The following VSNL1 variants were observed in gnomAD, a reference collection of about 807,000 sequenced individuals.
The protein encoded by VSNL1 is visinin like 1.
Under a neutral mutation model 20.4 loss-of-function variants are expected in VSNL1, and 6 were observed. The ratio of observed to expected loss-of-function variants is 0.29; its 90% CI spans 0.16 to 0.58. The LOEUF is 0.58. VSNL1 is among the 20% of genes least tolerant of loss of function. VSNL1 has a pLI of 0.90. For synonymous variants in VSNL1, 93 were observed against 86.4 expected (o/e 1.08, Z -0.42); for missense variants, 100 against 234.5 (o/e 0.43, Z 3.75).
intron 1 of VSNL1, among the ~76,000 whole-genome samples, chr2:17,546,217 A>G (rs1663402993): frequency 6.6e-6 from 1 of 152,070 alleles, no homozygotes; most frequent in Non-Finnish European, 1.5e-5. Context: ...TTAACAAATC[A>G]GTTAAATTTA....
In VSNL1 at chr2:17,550,383, A is replaced by G. The variant is rs149246605; in HGVS notation, c.-6+9465A>G. Among the ~76,000 whole-genome samples the G allele has an allele frequency of 4.1e-3, 624 of 152,286 alleles. 6 individuals carry two copies. Among genetic ancestry groups the G allele is most frequent in the African/African-American group, 0.014 (585 of 41,554 alleles). On this transcript the variant is annotated intron_variant, in intron 1 of 3. Transcript: ENST00000295156. Reference sequence around the variant, plus strand: ...CTAAATTATGGAAGGTTTGAGACACATCTGTATCGTTTAAATTTGCCTCTG... The same window carrying G: ...CTAAATTATGGAAGGTTTGAGACACGTCTGTATCGTTTAAATTTGCCTCTG...
intron 1 of VSNL1, 145 bp downstream of exon 1, chr2:17,541,063 G>T (rs545647332): frequency 6.8e-6 from 1 of 147,820 alleles, no homozygotes; most frequent in South Asian, 2.2e-4. Flanking sequence ...TAATGCTGGC[G>T]ATCTGAATGT....
intron 1 of VSNL1, among the ~76,000 whole-genome samples, chr2:17,552,759 ATTTGAATC>A (rs1663575695): frequency 6.6e-6 from 1 of 152,136 alleles, no homozygotes; most frequent in African/African-American, 2.4e-5. Context: ...TTTATAGTTT[ATTTGAATC>A]AGGGTGCCAA....
chr2:17,563,941 A>G (rs1043383356), intron 1 of VSNL1, among the ~76,000 whole-genome samples: 6 of 151,976 alleles, frequency 3.9e-5, no homozygotes, highest in African/African-American at 1.5e-4. Context: ...TTACCTTCTT[A>G]CTTCTAAATA....
At chr2:17,617,627 G>A (rs1665245943) in intron 2 of VSNL1, among the ~76,000 whole-genome samples, 3 of 152,236 alleles carry the variant, frequency 2.0e-5, no homozygotes, top group East Asian at 1.9e-4. Flanking sequence ...AACAGCAGAA[G>A]TGCCCCAGCC....
At chr2:17,603,334 CTGTGT>C (rs1664873933) in intron 2 of VSNL1, among the ~76,000 whole-genome samples, 1 of 152,224 alleles carries the variant, frequency 6.6e-6, no homozygotes, top group South Asian at 2.1e-4. Context: ...CTCTTTCTTG[CTGTGT>C]CCTCACATGG....
chr2:17,596,687 C>A (rs1303865956), intron 2 of VSNL1, among the ~76,000 whole-genome samples: 1 of 152,110 alleles, frequency 6.6e-6, no homozygotes, highest in Non-Finnish European at 1.5e-5. Context: ...TTATTTTCAT[C>A]AGGAAACATT....
intron 2 of VSNL1, among the ~76,000 whole-genome samples, chr2:17,613,136 G>A (rs1665129650): frequency 6.6e-6 from 1 of 152,044 alleles, no homozygotes; most frequent in South Asian, 2.1e-4. Context: ...TCATACTGCA[G>A]CATCTTGCCC....
At position 17,649,266 on chromosome 2, in the gene VSNL1, C is replaced by G; in HGVS notation, c.163-144C>G. On this transcript the variant is annotated intron_variant, in intron 2 of 3. Transcript: ENST00000295156. The surrounding 1 kb of genome is among the most constrained non-coding windows in gnomAD (Gnocchi z 6.4). ...GCCTCCCCTAATGCCTGCCCTTGCC[C>G]TTGACAGTCAGGCCAAACTGCTCTC... 1 of 752,808 alleles carries G rather than the reference C, an allele frequency of 1.3e-6. No individual in the cohort carries two copies. Among genetic ancestry groups the G allele is most frequent in the Non-Finnish European group, 2.2e-6 (1 of 445,970 alleles). The allele number at this position is 752,808 out of a possible 1,614,324, so 46.6% of individuals were successfully genotyped here.
chr2:17,543,656 A>G (rs1230153769), intron 1 of VSNL1, among the ~76,000 whole-genome samples: 3 of 152,230 alleles, frequency 2.0e-5, no homozygotes, highest in Admixed American at 6.5e-5. Flanking sequence ...GTTGTGCTAT[A>G]GAGGAGAGTA....
At chr2:17,544,441 C>T (rs1477263795) in intron 1 of VSNL1, among the ~76,000 whole-genome samples, 1 of 152,156 alleles carries the variant, frequency 6.6e-6, no homozygotes, top group Non-Finnish European at 1.5e-5. Context: ...TTGCTAAGTG[C>T]CCCGCTTTGG....
At chr2:17,599,260 G>T (rs1572356812) in intron 2 of VSNL1, among the ~76,000 whole-genome samples, 1 of 152,318 alleles carries the variant, frequency 6.6e-6, no homozygotes, top group Non-Finnish European at 1.5e-5. Context: ...GAGAGGGCTG[G>T]TTAGGAAGGT....
At position 17,591,456 on chromosome 2, in the gene VSNL1, C is replaced by CA. The variant is rs770172664; in HGVS notation, c.-5-612dup. ...TAGAAGAAAACCATTAAGATTTTGT[C>CA]AACTCTGAAGACAATGTTGTACGAA... On this transcript the variant is annotated intron_variant, in intron 1 of 3. Transcript: ENST00000295156. 7.2e-5 allele frequency among the ~76,000 whole-genome samples: 11 copies of CA among 152,286 alleles called. No individual in the cohort carries two copies. In the East Asian group the frequency reaches 2.1e-3, roughly 29 times the overall value.
At chr2:17,628,031 A>T (rs1398438246) in intron 2 of VSNL1, among the ~76,000 whole-genome samples, 1 of 152,228 alleles carries the variant, frequency 6.6e-6, no homozygotes, top group Non-Finnish European at 1.5e-5. Context: ...CTCAGTTACG[A>T]TTTTTGCAAA....
intron 1 of VSNL1, among the ~76,000 whole-genome samples, chr2:17,587,329 T>C (rs1664497960): frequency 6.9e-6 from 1 of 144,398 alleles, no homozygotes; most frequent in Non-Finnish European, 1.5e-5. Flanking sequence ...ATACAGTAGG[T>C]AAGAGACAGG....
chr2:17,610,916 A>G (rs1252379962), intron 2 of VSNL1, among the ~76,000 whole-genome samples: 1 of 152,222 alleles, frequency 6.6e-6, no homozygotes, highest in African/African-American at 2.4e-5. Flanking sequence ...TTTGCTTGAT[A>G]GATCAAGCAG....
chr2:17,647,075 A>T (rs925953978), intron 2 of VSNL1, among the ~76,000 whole-genome samples: 1 of 152,178 alleles, frequency 6.6e-6, no homozygotes, highest in African/African-American at 2.4e-5. Flanking sequence ...CAGTATATAG[A>T]CCTTCTGCAA....
At chr2:17,613,532 C>G (rs1402043469) in intron 2 of VSNL1, among the ~76,000 whole-genome samples, 5 of 152,212 alleles carry the variant, frequency 3.3e-5, no homozygotes, top group Non-Finnish European at 7.3e-5. Flanking sequence ...TTTCCCTTCT[C>G]TGGGCCTGTT....
intron 1 of VSNL1, among the ~76,000 whole-genome samples, chr2:17,587,536 C>T (rs1452813508): frequency 1.3e-5 from 2 of 152,162 alleles, no homozygotes; most frequent in Admixed American, 6.5e-5. Context: ...CTTAAATCCT[C>T]TGCCTCTTCT....
Sources: allele counts gnomAD v4.1 joint callset (sites outside exome capture counted in the v4.1 genomes callset), GRCh38; gene constraint gnomAD v4.1.1; non-coding constraint Gnocchi (gnomAD v3.1); transcripts MANE v1.5; gene names NCBI Gene and HGNC (gene_info 2026-07-23, HGNC 2026-07-21).